Variants in ZMYM6 observed in about 807,000 individuals in gnomAD.
ZMYM6 encodes the protein zinc finger MYM-type containing 6, also known as zinc finger MYM-type protein 6.
A neutral mutation model predicts 134.0 loss-of-function variants in ZMYM6; 90 were observed. The ratio of observed to expected loss-of-function variants is 0.67; its 90% CI spans 0.57 to 0.80. The LOEUF is 0.80. ZMYM6 is among the 30% of genes least tolerant of loss of function. The probability of loss-of-function intolerance (pLI) is 0.00; values close to 1 mark genes in which losing one functional copy is unlikely to be tolerated. For synonymous variants in ZMYM6, 481 were observed against 524.1 expected, an observed-to-expected ratio of 0.92 and a Z score of 1.12; for missense variants, 1,362 against 1,533.9, an observed-to-expected ratio of 0.89 and a Z score of 1.87.
chr1:35,007,140 A>C (rs1365909252), intron 11 of ZMYM6, 42 bp from the exon 12 acceptor site: 1 of 1,546,890 alleles, frequency 6.5e-7, no homozygotes, highest in African/African-American at 1.4e-5. Flanking sequence ...AAAACTATAA[A>C]ATAATGAAAA....
At chr1:35,014,377 T>C (rs560711055) in intron 6 of ZMYM6, among the ~76,000 whole-genome samples, 91 of 152,156 alleles carry the variant, frequency 6.0e-4, no homozygotes, top group African/African-American at 2.2e-3. Flanking sequence ...CTGAGGCGAG[T>C]GGATGGCTTG....
At chr1:35,015,969 A>G (rs1569781940) in intron 4 of ZMYM6, among the ~76,000 whole-genome samples, 1 of 139,706 alleles carries the variant, frequency 7.2e-6, no homozygotes, top group East Asian at 2.1e-4. Context: ...TTTTTGTGAG[A>G]CGGAGTCTCG....
chr1:35,005,340 C>G, intron 12 of ZMYM6, 68 bp from the exon 13 acceptor site: 1 of 1,519,634 alleles, frequency 6.6e-7, no homozygotes, highest in South Asian at 1.2e-5. Context: ...CACTCACACT[C>G]ACACACAAAA....
chr1:35,024,900 G>T (rs1299441635), intron 2 of ZMYM6, among the ~76,000 whole-genome samples: 1 of 150,370 alleles, frequency 6.7e-6, no homozygotes, highest in East Asian at 2.0e-4. Context: ...ATGGAATATT[G>T]CTCTGTTGCC....
chr1:35,029,835 T>G (rs1284734814), intron 2 of ZMYM6, among the ~76,000 whole-genome samples: 1 of 152,182 alleles, frequency 6.6e-6, no homozygotes, highest in Non-Finnish European at 1.5e-5. Flanking sequence ...GATTCCCCAT[T>G]TTAGGCTTTT....
chr1:35,004,990 G>A (rs887026591), intron 13 of ZMYM6, 142 bp downstream of exon 13: 35 of 876,762 alleles, frequency 4.0e-5, no homozygotes, highest in Middle Eastern at 3.5e-4. Flanking sequence ...CCCAGGAGGC[G>A]GTGGTTGCAG....
intron 15 of ZMYM6, among the ~76,000 whole-genome samples, chr1:34,991,795 A>AAAC (rs1640680201): frequency 1.3e-5 from 2 of 151,740 alleles, no homozygotes; most frequent in African/African-American, 4.9e-5. Flanking sequence ...AACAAACAAA[A>AAAC]AAAAACCCAG....
At chr1:35,008,286 G>A (rs1641021096) in intron 11 of ZMYM6, among the ~76,000 whole-genome samples, 1 of 152,208 alleles carries the variant, frequency 6.6e-6, no homozygotes, top group African/African-American at 2.4e-5. Context: ...CAGAGCACCA[G>A]ACATGTATTA....
In ZMYM6 at chr1:34,987,613, G is replaced by C. The variant is rs779744346; in HGVS notation, c.3469C>G (p.Arg1157Gly). The change falls in exon 16 of 16, where the codon CGC (arginine) becomes GGC (glycine). Residue 1157 changes from arginine (R) to glycine (G), a missense_variant. This residue lies in a region of ZMYM6 where 824 missense variants were observed against 940.9 expected (regional missense o/e 0.88). Transcript: ENST00000357182. ...ATGTCATAATCATTCTCTTGTGTGCGCTTCAACCACATTTTTAACTTTCTC... is the reference window on the plus strand; with the variant it reads ...ATGTCATAATCATTCTCTTGTGTGCCCTTCAACCACATTTTTAACTTTCTC... The part of the protein sequence containing the change: ...FKRKLKMWLK[R>G]TQENDYDMFP... 8.1e-6 allele frequency: 13 copies of C among 1,606,288 alleles called. No individual in the cohort carries two copies. The highest frequency in any genetic ancestry group is 1.0e-5 in the Non-Finnish European group (12 of 1,175,858).
intron 15 of ZMYM6, chr1:34,989,371 C>A: frequency 4.2e-4 from 132 of 316,530 alleles, no homozygotes; most frequent in Non-Finnish European, 4.8e-4. Context: ...AACTCCATCT[C>A]TACATTAAAA....
intron 2 of ZMYM6, among the ~76,000 whole-genome samples, chr1:35,028,734 C>T (rs1458514669): frequency 3.3e-5 from 5 of 151,790 alleles, no homozygotes; most frequent in Non-Finnish European, 7.4e-5. Flanking sequence ...CTCCTGACCT[C>T]GTGATCTGCC....
intron 4 of ZMYM6, among the ~76,000 whole-genome samples, chr1:35,016,368 A>G (rs1641188259): frequency 6.6e-6 from 1 of 152,240 alleles, no homozygotes; most frequent in Non-Finnish European, 1.5e-5. Context: ...TTTGTATCAG[A>G]GGACAGATGG....
chr1:35,025,283 A>G (rs957358737), intron 2 of ZMYM6, among the ~76,000 whole-genome samples: 7 of 147,058 alleles, frequency 4.8e-5, no homozygotes, highest in Non-Finnish European at 9.0e-5. Context: ...GCCGGCCAAC[A>G]TGGTGAAACC....
chr1:35,005,950 A>G (rs1640958576), intron 12 of ZMYM6, among the ~76,000 whole-genome samples: 1 of 152,250 alleles, frequency 6.6e-6, no homozygotes, highest in Non-Finnish European at 1.5e-5. Flanking sequence ...GACTGCAAAG[A>G]GCCAAAGCTC....
chr1:35,030,325 A>G, intron 2 of ZMYM6: 1 of 513,820 alleles, frequency 1.9e-6, no homozygotes, highest in East Asian at 3.4e-5. Flanking sequence ...CCAGCTACAC[A>G]GGAGGCTGAG....
At chr1:34,992,733 TTA>T (rs1394998783) in intron 14 of ZMYM6, among the ~76,000 whole-genome samples, 1 of 141,204 alleles carries the variant, frequency 7.1e-6, no homozygotes, top group East Asian at 2.0e-4. Context: ...AAAAATATAC[TTA>T]TAAACTATAA....
rs1332747380 is a variant in ZMYM6, at chr1:34,988,282, C to A, written c.2800G>T (p.Asp934Tyr). The change falls in exon 16 of 16, where the codon GAT (aspartate) becomes TAT (tyrosine). Residue 934 changes from aspartate (D) to tyrosine (Y), a missense_variant. Physicochemically the swap from Asp to Tyr is radical, Grantham distance 160 (BLOSUM62 -3). Transcript: ENST00000357182. The stretch of plus-strand genomic sequence containing the variant: ...AATTCTTCTTTTACATCACGACAAT[C>A]ATAATCAATGAAACGAATATAGCAC... ...LLCYIRFIDYDCRDVKEELLF... is the reference protein window; with the variant it reads ...LLCYIRFIDYYCRDVKEELLF... 1 of 1,550,596 alleles carries A rather than the reference C, an allele frequency of 6.4e-7. No homozygotes were observed. Among genetic ancestry groups the A allele is most frequent in the Non-Finnish European group, 8.7e-7 (1 of 1,146,428 alleles).
At chr1:35,005,366 A>C (rs1640947489) in intron 12 of ZMYM6, 94 bp from the exon 13 acceptor site, 2 of 1,305,584 alleles carry the variant, frequency 1.5e-6, no homozygotes, top group Admixed American at 4.9e-5. Flanking sequence ...TTTAGTAACT[A>C]GGTTTTCAAG....
chr1:35,031,830 T>G lies in ZMYM6; in HGVS notation c.-90A>C, dbSNP rs1331369717. ...CCGCACCCACCTTCTGTCGCCTCCCTGCTACCGGAGGAGCACTGGAATAGG... is the reference window on the plus strand; with the variant it reads ...CCGCACCCACCTTCTGTCGCCTCCCGGCTACCGGAGGAGCACTGGAATAGG... On this transcript the variant is annotated 5_prime_UTR_variant, in exon 1 of 16. Transcript: ENST00000357182. 1 of 152,476 alleles carries G rather than the reference T, an allele frequency of 6.6e-6. No individual in the cohort carries two copies. Among genetic ancestry groups the G allele is most frequent in the African/African-American group, 2.4e-5 (1 of 41,464 alleles). The allele number at this position is 152,476 out of a possible 1,614,324, so 9.4% of individuals were successfully genotyped here. A position where few individuals can be genotyped will look rare whatever the true frequency, so the allele number is the denominator to read the frequency against.
Sources: allele counts gnomAD v4.1 joint callset (sites outside exome capture counted in the v4.1 genomes callset), GRCh38; gene constraint gnomAD v4.1.1; regional missense constraint gnomAD v4.1.1; transcripts MANE v1.5; gene names NCBI Gene and HGNC (gene_info 2026-07-23, HGNC 2026-07-21).